PXDNL: variants seen among roughly 807,000 people sequenced by gnomAD.
PXDNL encodes the protein peroxidasin like.
PXDNL carries 145 observed loss-of-function variants against 150.8 expected under a neutral mutation model. That is an observed-to-expected ratio of 0.96 (90% CI 0.84 to 1.10). The LOEUF (loss-of-function observed/expected upper bound fraction) is 1.10, where lower values mean the gene tolerates loss of function less well. Ranked by LOEUF, PXDNL falls within the 50% of genes least tolerant of loss-of-function variation. The probability of loss-of-function intolerance (pLI) is 0.00; values close to 1 mark genes in which losing one functional copy is unlikely to be tolerated. For missense variants in PXDNL, 2,087 were observed against 1,873.9 expected (o/e 1.11, Z -2.10); for synonymous variants, 757 against 725.7 (o/e 1.04, Z -0.69).
At chr8:51,567,777 T>C (rs952035995) in intron 3 of PXDNL, among the ~76,000 whole-genome samples, 14 of 151,786 alleles carry the variant, frequency 9.2e-5, no homozygotes, top group Non-Finnish European at 1.9e-4. Context: ...GATGCTCAAG[T>C]TCTGATATAA....
At chr8:51,384,495 T>C (rs1350992147) in intron 17 of PXDNL, among the ~76,000 whole-genome samples, 3 of 152,164 alleles carry the variant, frequency 2.0e-5, no homozygotes, top group African/African-American at 7.2e-5. Flanking sequence ...CTCGGGACTC[T>C]AGATATCTAA....
chr8:51,523,162 C>T (rs1417173074), intron 4 of PXDNL, among the ~76,000 whole-genome samples: 1 of 152,094 alleles, frequency 6.6e-6, no homozygotes, highest in African/African-American at 2.4e-5. Flanking sequence ...AGTTAAATAT[C>T]TATGATGTGT....
Position 51,514,539 on chromosome 8 carries a change from T to C in PXDNL, c.381-14769A>G, listed in dbSNP as rs534474217. 4.5e-4 allele frequency among the ~76,000 whole-genome samples: 69 copies of C among 152,346 alleles called. 1 individual carries two copies. The highest frequency in any genetic ancestry group is 1.6e-3 in the African/African-American group (67 of 41,574). The stretch of plus-strand genomic sequence containing the variant: ...ATGTTTATGATATAATTATCTGTAA[T>C]GCACCAATCCTTCAGGTAGCATCTT... On this transcript the variant is annotated intron_variant, in intron 4 of 22. Coordinates refer to ENST00000356297, the MANE Select transcript of PXDNL (RefSeq NM_144651.5).
chr8:51,445,132 C>A (rs376102250), intron 12 of PXDNL, among the ~76,000 whole-genome samples: 1 of 152,204 alleles, frequency 6.6e-6, no homozygotes, highest in African/African-American at 2.4e-5. Context: ...GTTGGCCAGG[C>A]TGGTCTCGAA....
intron 8 of PXDNL, among the ~76,000 whole-genome samples, chr8:51,471,761 A>G (rs1810340056): frequency 6.7e-6 from 1 of 149,860 alleles, no homozygotes; most frequent in Non-Finnish European, 1.5e-5. Context: ...ATCTCAGCTC[A>G]CTGCAAGCTC....
rs543425232 is a variant in PXDNL at position 51,482,022 on chromosome 8, G to A, written c.524+1621C>T. Among the ~76,000 whole-genome samples the A allele has an allele frequency of 7.9e-5, 12 of 152,158 alleles. No individual in the cohort carries two copies. The South Asian group carries it at 8.3e-4, about 11-fold the overall frequency. On this transcript the variant is annotated intron_variant, in intron 6 of 22. Transcript: ENST00000356297. The stretch of plus-strand genomic sequence containing the variant: ...GTGGAGCTGTGAGAAGAAGGCCAAC[G>A]TCCTCCAGATCCCGGAATGGTAGAT...
intron 14 of PXDNL, among the ~76,000 whole-genome samples, chr8:51,420,293 A>G (rs1031027498): frequency 2.6e-5 from 4 of 152,192 alleles, no homozygotes; most frequent in Non-Finnish European, 4.4e-5. Flanking sequence ...TGGTGAATGA[A>G]AGGGTCTCAG....
At chr8:51,434,323 T>C (rs571589009) in intron 12 of PXDNL, among the ~76,000 whole-genome samples, 8 of 152,364 alleles carry the variant, frequency 5.3e-5, no homozygotes, top group African/African-American at 1.9e-4. Flanking sequence ...TCTGCTCAAA[T>C]GTCATGTCCT....
intron 1 of PXDNL, among the ~76,000 whole-genome samples, chr8:51,744,257 G>C (rs2036948632): frequency 8.3e-6 from 1 of 120,056 alleles, no homozygotes. Flanking sequence ...GGAAAAGAAA[G>C]AAAAGAGAAA....
chr8:51,321,548 C>T (rs1417422163), intron 21 of PXDNL, among the ~76,000 whole-genome samples: 2 of 151,782 alleles, frequency 1.3e-5, no homozygotes, highest in Non-Finnish European at 2.9e-5. Context: ...GGCAGATTTC[C>T]CCCATGCTGT....
In PXDNL at chr8:51,409,097, A is replaced by T; in HGVS notation, c.2527T>A (p.Phe843Ile). The stretch of plus-strand genomic sequence containing the variant: ...TCGGCGTGCCGGGTGTTCATGGGGA[A>T]ACAAGGAGGGTCGTTGGTGCAGACG... ...SSVCTNDPPC[F>I]PMNTRHADPR... Residue 843 changes from phenylalanine (F) to isoleucine (I), a missense_variant, in exon 17 of 23, where the codon TTC becomes ATC. Phe to Ile is a conservative substitution (Grantham distance 21). Transcript: ENST00000356297. 1 of 1,609,440 alleles carries T rather than the reference A, an allele frequency of 6.2e-7. No individual in the cohort carries two copies. Among genetic ancestry groups the T allele is most frequent in the Non-Finnish European group, 8.5e-7 (1 of 1,179,444 alleles).
chr8:51,475,831 A>G (rs1810461850), intron 6 of PXDNL, among the ~76,000 whole-genome samples: 2 of 151,808 alleles, frequency 1.3e-5, no homozygotes, highest in South Asian at 4.2e-4. Context: ...TTTTATAACT[A>G]TGAGTACCCA....
intron 1 of PXDNL, among the ~76,000 whole-genome samples, chr8:51,674,183 A>G (rs1815558442): frequency 6.6e-6 from 1 of 152,112 alleles, no homozygotes; most frequent in African/African-American, 2.4e-5. Flanking sequence ...TCTTCCTCCA[A>G]CTATTGCTGA....
At chr8:51,327,400 A>C (rs989575939) in intron 21 of PXDNL, among the ~76,000 whole-genome samples, 2 of 152,218 alleles carry the variant, frequency 1.3e-5, no homozygotes, top group African/African-American at 4.8e-5. Flanking sequence ...TTTCACTGGG[A>C]GCTGTACGGA....
chr8:51,740,968 G>A (rs1043021194), intron 1 of PXDNL, among the ~76,000 whole-genome samples: 2 of 152,154 alleles, frequency 1.3e-5, no homozygotes, highest in African/African-American at 4.8e-5. Flanking sequence ...GTTGATGCTA[G>A]CCTCATAAAA....
intron 1 of PXDNL, among the ~76,000 whole-genome samples, chr8:51,710,016 A>G (rs1168232615): frequency 2.0e-5 from 3 of 152,212 alleles, no homozygotes; most frequent in African/African-American, 7.2e-5. Context: ...TATAATAACC[A>G]TCTATTGCCT....
chr8:51,619,832 C>T (rs886672602), intron 2 of PXDNL, among the ~76,000 whole-genome samples: 1 of 152,182 alleles, frequency 6.6e-6, no homozygotes, highest in Non-Finnish European at 1.5e-5. Context: ...GGTTTTCTCA[C>T]TCCGTCTGTT....
chr8:51,324,876 A>G (rs1805436417), intron 21 of PXDNL, among the ~76,000 whole-genome samples: 1 of 151,536 alleles, frequency 6.6e-6, no homozygotes, highest in African/African-American at 2.4e-5. Flanking sequence ...ATTTTTTATG[A>G]CTGCTTTATT....
At chr8:51,540,151 G>A (rs56698894) in intron 4 of PXDNL, among the ~76,000 whole-genome samples, 7,924 of 152,130 alleles carry the variant, frequency 0.052, 511 homozygotes, top group African/African-American at 0.15. Flanking sequence ...ATACACCTCA[G>A]CCTCCCAAAG....
Sources: allele counts gnomAD v4.1 joint callset (sites outside exome capture counted in the v4.1 genomes callset), GRCh38; gene constraint gnomAD v4.1.1; transcripts MANE v1.5; gene names NCBI Gene and HGNC (gene_info 2026-07-23, HGNC 2026-07-21).